Variants in LAMA4 observed in about 807,000 individuals in gnomAD.
LAMA4 encodes the protein laminin subunit alpha-4.
Under a neutral mutation model 207.1 loss-of-function variants are expected in LAMA4, and 127 were observed. The ratio of observed to expected loss-of-function variants is 0.61; its 90% CI spans 0.53 to 0.71. The LOEUF is 0.71. Ranked by LOEUF, LAMA4 falls within the 30% of genes least tolerant of loss-of-function variation. The pLI is 0.00. For missense variants in LAMA4, 2,093 were observed against 2,246.5 expected (o/e 0.93, Z 1.38); for synonymous variants, 761 against 816.0 (o/e 0.93, Z 1.15).
intron 5 of LAMA4, among the ~76,000 whole-genome samples, chr6:112,198,603 C>A (rs1783556478): frequency 6.6e-6 from 1 of 152,130 alleles, no homozygotes; most frequent in Non-Finnish European, 1.5e-5. Context: ...CAAAATACAA[C>A]CTTCTCTAAG....
At chr6:112,207,202 C>A in intron 3 of LAMA4, 57 bp from the exon 4 acceptor site, 2 of 1,586,328 alleles carry the variant, frequency 1.3e-6, no homozygotes, top group Non-Finnish European at 1.7e-6. Flanking sequence ...TTAGAGACAG[C>A]ACATCTAAGC....
intron 5 of LAMA4, among the ~76,000 whole-genome samples, chr6:112,195,854 C>A (rs6568724): frequency 0.6 from 90,815 of 151,520 alleles, 28,964 homozygotes; most frequent in African/African-American, 0.83. Context: ...TTTTGGATTT[C>A]TTGCTAACCC....
intron 13 of LAMA4, among the ~76,000 whole-genome samples, chr6:112,164,726 G>A (rs1257530849): frequency 6.6e-6 from 1 of 152,152 alleles, no homozygotes; most frequent in Non-Finnish European, 1.5e-5. Context: ...GACTTTTATT[G>A]ATTTTGAATG....
At chr6:112,241,002 T>C (rs1200087448) in intron 2 of LAMA4, among the ~76,000 whole-genome samples, 1 of 150,094 alleles carries the variant, frequency 6.7e-6, no homozygotes, top group African/African-American at 2.5e-5. Flanking sequence ...GTCAGCTCTT[T>C]CCATATCCTT....
intron 12 of LAMA4, among the ~76,000 whole-genome samples, chr6:112,169,857 A>G (rs2114852754): frequency 6.6e-6 from 1 of 152,370 alleles, no homozygotes; most frequent in South Asian, 2.1e-4. Context: ...AAGTCTCTTC[A>G]TATAGGCAAC....
intron 16 of LAMA4, among the ~76,000 whole-genome samples, chr6:112,150,921 G>T (rs1218518280): frequency 6.6e-6 from 1 of 152,004 alleles, no homozygotes; most frequent in Non-Finnish European, 1.5e-5. Context: ...CAGCACAATT[G>T]TTAAAGAGCT....
Position 112,158,897 on chromosome 6 carries a change from T to C in LAMA4, c.1669-17A>G. 3 of 1,547,416 alleles carry C rather than the reference T, an allele frequency of 1.9e-6. No individual in the cohort carries two copies. Among genetic ancestry groups the C allele is most frequent in the Non-Finnish European group, 2.7e-6 (3 of 1,120,896 alleles). On this transcript the variant is annotated splice_polypyrimidine_tract_variant and intron_variant, in intron 13 of 38. Transcript: ENST00000230538. Reference sequence around the variant, plus strand: ...TGACGCATTCTAAAGAAAAAAATTTTAATAAATACATTGAATTTAGAAGAA... The same window carrying C: ...TGACGCATTCTAAAGAAAAAAATTTCAATAAATACATTGAATTTAGAAGAA...
At chr6:112,253,063 A>T (rs977044922) in intron 2 of LAMA4, among the ~76,000 whole-genome samples, 1 of 152,242 alleles carries the variant, frequency 6.6e-6, no homozygotes, top group Non-Finnish European at 1.5e-5. Flanking sequence ...GTCAATCCAC[A>T]TAACTGTTTT....
chr6:112,164,214 T>C (rs1781256630), intron 13 of LAMA4: 1 of 152,228 alleles, frequency 6.6e-6, no homozygotes. Context: ...GAAAGAATTA[T>C]TATATTTGAT....
At position 112,191,601 on chromosome 6, in the gene LAMA4, G is replaced by A. The variant is rs1554349030; in HGVS notation, c.718+35C>T. On this transcript the variant is annotated intron_variant, in intron 6 of 38. Coordinates refer to ENST00000230538, the MANE Select transcript of LAMA4 (RefSeq NM_001105206.3). ...TCAGTATTGGCAGAGGGTCATGCTG[G>A]CCAGGCAGCTGGCTTAGTATTTATG... 4 of 1,486,216 alleles carry A rather than the reference G, an allele frequency of 2.7e-6. No individual in the cohort carries two copies. In the East Asian group the frequency reaches 9.1e-5, roughly 34 times the overall value. 92.1% of individuals were successfully genotyped at this position (1,486,216 alleles called of 1,614,324 possible).
intron 22 of LAMA4, among the ~76,000 whole-genome samples, chr6:112,140,423 A>C (rs760109618): frequency 5.6e-4 from 86 of 152,214 alleles, no homozygotes; most frequent in Admixed American, 2.5e-3. Context: ...CCACCACTGC[A>C]AAGCTGAAGA....
At chr6:112,136,297 C>T (rs371621838) in intron 24 of LAMA4, 43 bp from the exon 25 acceptor site, 43 of 1,503,498 alleles carry the variant, frequency 2.9e-5, no homozygotes, top group South Asian at 2.0e-4. Context: ...ATCTGTTATG[C>T]GAGTAGAGTC....
At chr6:112,163,356 G>A (rs1309223970) in intron 13 of LAMA4, among the ~76,000 whole-genome samples, 1 of 149,912 alleles carries the variant, frequency 6.7e-6, no homozygotes, top group Admixed American at 6.6e-5. Context: ...ACAAAACCCA[G>A]AAAAAAATAA....
chr6:112,158,918 A>G (rs782604072), intron 13 of LAMA4, 38 bp from the exon 14 acceptor site: 8 of 1,396,962 alleles, frequency 5.7e-6, no homozygotes, highest in Non-Finnish European at 8.1e-6. Flanking sequence ...TTGAATTTAG[A>G]AGAACTTAAA....
intron 14 of LAMA4, chr6:112,158,166 C>G (rs41289904): frequency 0.037 from 5,972 of 160,024 alleles, 146 homozygotes; most frequent in Non-Finnish European, 0.058. Flanking sequence ...ATTCTAGGTG[C>G]TGGGAGGAAA....
intron 18 of LAMA4, among the ~76,000 whole-genome samples, chr6:112,146,778 T>C (rs564739478): frequency 2.0e-5 from 3 of 152,310 alleles, no homozygotes; most frequent in African/African-American, 7.2e-5. Flanking sequence ...TAGAATTAAG[T>C]AAAATAATAG....
intron 3 of LAMA4, among the ~76,000 whole-genome samples, chr6:112,212,607 C>T (rs1554357096): frequency 2.0e-5 from 3 of 152,106 alleles, no homozygotes; most frequent in South Asian, 2.1e-4. Flanking sequence ...CCTTTGGACA[C>T]GAAACTTTCT....
intron 2 of LAMA4, among the ~76,000 whole-genome samples, chr6:112,220,870 C>T (rs561612977): frequency 6.6e-6 from 1 of 152,126 alleles, no homozygotes; most frequent in Admixed American, 6.5e-5. Context: ...ATCTAAGTAA[C>T]AAAATTTTAG....
chr6:112,159,624 C>T (rs1403489582), intron 13 of LAMA4: 1 of 152,460 alleles, frequency 6.6e-6, no homozygotes, highest in Non-Finnish European at 1.5e-5. Flanking sequence ...CCTAAGCCAA[C>T]ATTTCCTTCA....
Sources: gnomAD v4.1 joint callset for allele counts (sites outside exome capture counted in the v4.1 genomes callset) on GRCh38, gnomAD v4.1.1 for gene constraint, MANE v1.5 for transcripts, NCBI Gene and HGNC (gene_info 2026-07-23, HGNC 2026-07-21) for gene names.